IGF1R: variants seen among roughly 807,000 people sequenced by gnomAD.
The protein encoded by IGF1R is insulin-like growth factor 1 receptor.
A neutral mutation model predicts 144.6 loss-of-function variants in IGF1R; 44 were observed. The ratio of observed to expected loss-of-function variants is 0.30; its 90% CI spans 0.24 to 0.39. IGF1R has a LOEUF of 0.39. Among genes scored for constraint, IGF1R ranks in the 10% least tolerant of loss-of-function variants. The pLI is 1.00. For synonymous variants in IGF1R, 795 were observed against 722.8 expected, an observed-to-expected ratio of 1.10 and a Z score of -1.60; for missense variants, 1,355 against 1,833.7, an observed-to-expected ratio of 0.74 and a Z score of 4.77.
At chr15:98,719,700 G>A (rs902826569) in intron 2 of IGF1R, among the ~76,000 whole-genome samples, 2 of 152,158 alleles carry the variant, frequency 1.3e-5, no homozygotes, top group Non-Finnish European at 2.9e-5. Flanking sequence ...TGTGTCTTCT[G>A]CTCATTGTGA....
At chr15:98,884,397 G>A (rs1233201348) in intron 2 of IGF1R, among the ~76,000 whole-genome samples, 1 of 152,124 alleles carries the variant, frequency 6.6e-6, no homozygotes, top group Non-Finnish European at 1.5e-5. Context: ...CCCCTCAAAA[G>A]AAAAGTTCTG....
Position 98,942,906 on chromosome 15 carries a change from C to T in IGF1R, c.3458-17C>T. On this transcript the variant is annotated splice_polypyrimidine_tract_variant and intron_variant, in intron 18 of 20. Coordinates refer to ENST00000650285, the MANE Select transcript of IGF1R (RefSeq NM_000875.5). ...CCTGCTCCAGCGTGTGACTCTGCGCCCTCTCTTCCCTTACAGATTTTGGTA... is the reference window on the plus strand; with the variant it reads ...CCTGCTCCAGCGTGTGACTCTGCGCTCTCTCTTCCCTTACAGATTTTGGTA... 1 of 1,614,028 alleles carries T rather than the reference C, an allele frequency of 6.2e-7. No individual in the cohort carries two copies. Among genetic ancestry groups the T allele is most frequent in the Non-Finnish European group, 8.5e-7 (1 of 1,179,952 alleles).
Position 98,938,840 on chromosome 15 carries a change from A to G in IGF1R, c.3298-361A>G, listed in dbSNP as rs536570850. Among the ~76,000 whole-genome samples the G allele has an allele frequency of 2.6e-5, 4 of 152,346 alleles. No individual in the cohort carries two copies. The South Asian group carries it at 8.3e-4, about 32-fold the overall frequency. ...GTACTTCGGTGATGGAAATAAAAGG[A>G]ACATATAAACAAATAGGAATTTGAG... is the stretch of plus-strand genomic sequence containing the variant. On this transcript the variant is annotated intron_variant, in intron 17 of 20. Coordinates refer to ENST00000650285, the MANE Select transcript of IGF1R (RefSeq NM_000875.5).
chr15:98,794,588 G>A (rs1247769193), intron 2 of IGF1R, among the ~76,000 whole-genome samples: 1 of 152,144 alleles, frequency 6.6e-6, no homozygotes, highest in Non-Finnish European at 1.5e-5. Flanking sequence ...TTAGGTAAGT[G>A]GCATTCTGAT....
intron 2 of IGF1R, among the ~76,000 whole-genome samples, chr15:98,711,803 C>T (rs1424471264): frequency 6.6e-6 from 1 of 152,162 alleles, no homozygotes. Flanking sequence ...AAATCCCATA[C>T]CCTGAGTGGC....
At chr15:98,917,038 C>G in intron 10 of IGF1R, 162 bp downstream of exon 10, 1 of 718,424 alleles carries the variant, frequency 1.4e-6, no homozygotes, top group South Asian at 1.5e-5. Context: ...TGAAGTGAGT[C>G]CCTGCGGAAG....
At chr15:98,721,132 C>T (rs1308874643) in intron 2 of IGF1R, among the ~76,000 whole-genome samples, 3 of 152,210 alleles carry the variant, frequency 2.0e-5, no homozygotes, top group Non-Finnish European at 2.9e-5. Context: ...CTACGCTCTT[C>T]GTGGTTTCTC....
chr15:98,807,072 C>T (rs775078041), intron 2 of IGF1R, among the ~76,000 whole-genome samples: 1 of 152,172 alleles, frequency 6.6e-6, no homozygotes, highest in Non-Finnish European at 1.5e-5. Context: ...GAAATTAGAA[C>T]GGCCTCACTC....
At chr15:98,734,034 C>T (rs1051179523) in intron 2 of IGF1R, among the ~76,000 whole-genome samples, 5 of 152,126 alleles carry the variant, frequency 3.3e-5, no homozygotes, top group African/African-American at 9.7e-5. Context: ...CCTCGTAGGA[C>T]CCTCAGATGC....
intron 17 of IGF1R, among the ~76,000 whole-genome samples, chr15:98,937,408 G>T (rs960448360): frequency 2.0e-5 from 3 of 152,188 alleles, no homozygotes; most frequent in Non-Finnish European, 4.4e-5. Context: ...TCAGACAGCC[G>T]CTGCAGGTTC....
intron 1 of IGF1R, among the ~76,000 whole-genome samples, chr15:98,666,345 G>T (rs1480168953): frequency 2.6e-5 from 4 of 151,212 alleles, no homozygotes; most frequent in Admixed American, 1.3e-4. Context: ...ATTCATCATA[G>T]AATTGCCATA....
intron 2 of IGF1R, among the ~76,000 whole-genome samples, chr15:98,836,169 A>T (rs2057096647): frequency 6.7e-6 from 1 of 150,158 alleles, no homozygotes; most frequent in African/African-American, 2.5e-5. Context: ...GCCGGGGAGA[A>T]ACTGAACTGA....
chr15:98,943,019 A>G lies in IGF1R; in HGVS notation c.3554A>G (p.Lys1185Arg), dbSNP rs754505489. The change falls in exon 19 of 21, where the codon AAG becomes AGG. Residue 1185 changes from lysine (K) to arginine (R), a missense_variant. Physicochemically the swap from Lys to Arg is conservative, Grantham distance 26 (BLOSUM62 2). Coordinates refer to ENST00000650285, the MANE Select transcript of IGF1R (RefSeq NM_000875.5). ...PVRWMSPESL[K>R]DGVFTTYSDV... ...CGCTGGATGTCTCCTGAGTCCCTCAAGGATGGAGTCTTCACCACTTACTCG... is the reference window on the plus strand; with the variant it reads ...CGCTGGATGTCTCCTGAGTCCCTCAGGGATGGAGTCTTCACCACTTACTCG... 4 of 1,614,238 alleles carry G rather than the reference A, an allele frequency of 2.5e-6. No individual in the cohort carries two copies. The highest frequency in any genetic ancestry group is 3.4e-6 in the Non-Finnish European group (4 of 1,180,034).
chr15:98,689,677 A>T lies in IGF1R; in HGVS notation c.95-17885A>T, dbSNP rs75611398. ...AGTTTAAAGATGACTCAGAAGGCAC[A>T]TTAGGTTCTTGCCACACTTTGCTGC... On this transcript the variant is annotated intron_variant, in intron 1 of 20. Transcript: ENST00000650285. 5.4e-3 allele frequency among the ~76,000 whole-genome samples: 821 copies of T among 152,356 alleles called. 5 individuals are homozygous for T. The highest frequency in any genetic ancestry group is 0.019 in the African/African-American group (789 of 41,574).
chr15:98,942,094 G>A (rs987214763), intron 18 of IGF1R, among the ~76,000 whole-genome samples: 2 of 151,954 alleles, frequency 1.3e-5, no homozygotes, highest in Admixed American at 6.6e-5. Flanking sequence ...GCATCTTTTC[G>A]GCATCTTACT....
At chr15:98,788,062 C>CTCTGTG (rs2056044916) in intron 2 of IGF1R, among the ~76,000 whole-genome samples, 2 of 131,032 alleles carry the variant, frequency 1.5e-5, no homozygotes, top group African/African-American at 6.1e-5. Context: ...CTCTCTCTCT[C>CTCTGTG]TGTGTGTGTG....
Position 98,943,063 on chromosome 15 carries a change from C to A in IGF1R, c.3587+11C>A. On this transcript the variant is annotated intron_variant, in intron 19 of 20. Coordinates refer to ENST00000650285, the MANE Select transcript of IGF1R (RefSeq NM_000875.5). The stretch of plus-strand genomic sequence containing the variant: ...TTACTCGGACGTCTGGTATGAGAAC[C>A]TTTACTGCATTGCCAGCCTGGAGCC... The A allele has an allele frequency of 6.2e-7, 1 of 1,614,162 alleles. No individual in the cohort carries two copies.
intron 2 of IGF1R, among the ~76,000 whole-genome samples, chr15:98,764,699 T>C (rs1279528724): frequency 6.6e-6 from 1 of 152,268 alleles, no homozygotes; most frequent in Non-Finnish European, 1.5e-5. Flanking sequence ...TACTGTTCTA[T>C]TTCCAGCTCC....
chr15:98,924,491 A>G (rs375373964), intron 12 of IGF1R, 34 bp from the exon 13 acceptor site: 92 of 1,611,898 alleles, frequency 5.7e-5, no homozygotes, highest in Non-Finnish European at 7.4e-5. Flanking sequence ...TCCTGCATTC[A>G]TGGGAAATTG....
Sources: allele counts gnomAD v4.1 joint callset (sites outside exome capture counted in the v4.1 genomes callset), GRCh38; gene constraint gnomAD v4.1.1; transcripts MANE v1.5; gene names NCBI Gene and HGNC (gene_info 2026-07-23, HGNC 2026-07-21).